Variants in SOX6 observed in about 807,000 individuals in gnomAD.
SOX6 encodes the protein transcription factor SOX-6.
Under a neutral mutation model 97.8 loss-of-function variants are expected in SOX6, and 11 were observed. That is an observed-to-expected ratio of 0.11 (90% CI 0.07 to 0.19). SOX6 has a LOEUF of 0.19. Among genes scored for constraint, SOX6 ranks in the 10% least tolerant of loss-of-function variants. The pLI, the probability that SOX6 is intolerant of heterozygous loss-of-function variation, is 1.00. For missense variants in SOX6, 810 were observed against 1,039.5 expected, an observed-to-expected ratio of 0.78 and a Z score of 3.04; for synonymous variants, 360 against 371.4, an observed-to-expected ratio of 0.97 and a Z score of 0.35.
intron 6 of SOX6, among the ~76,000 whole-genome samples, chr11:16,167,207 T>TG (rs558415387): frequency 1.1e-3 from 160 of 152,306 alleles, no homozygotes; most frequent in African/African-American, 3.2e-3. Flanking sequence ...TTCCAGTGAA[T>TG]GGCAGAATCT....
intron 1 of SOX6, among the ~76,000 whole-genome samples, chr11:16,366,128 G>A (rs1051303701): frequency 1.3e-4 from 20 of 152,102 alleles, no homozygotes; most frequent in Non-Finnish European, 2.2e-4. Flanking sequence ...AGGGGCAGGA[G>A]TCTCTCACCC....
chr11:16,497,498 T>G (rs921834009), intron 4 of SOX6, among the ~76,000 whole-genome samples: 3 of 151,688 alleles, frequency 2.0e-5, no homozygotes, highest in African/African-American at 7.3e-5. Flanking sequence ...AGAAGAAGGC[T>G]TCAGACAATC....
chr11:16,111,145 A>G (rs1045213103), intron 7 of SOX6, among the ~76,000 whole-genome samples: 2 of 152,228 alleles, frequency 1.3e-5, no homozygotes, highest in African/African-American at 4.8e-5. Context: ...GAGGCTCTGA[A>G]AGAAGCTTCA....
At chr11:16,255,652 G>A (rs2134205940) in intron 3 of SOX6, among the ~76,000 whole-genome samples, 1 of 152,082 alleles carries the variant, frequency 6.6e-6, no homozygotes, top group Non-Finnish European at 1.5e-5. Flanking sequence ...GATAAGCTGA[G>A]CCTCCACTTT....
chr11:16,481,578 C>T (rs1860344186), intron 4 of SOX6, among the ~76,000 whole-genome samples: 1 of 152,110 alleles, frequency 6.6e-6, no homozygotes, highest in Admixed American at 6.5e-5. Flanking sequence ...GCTGCTCAAC[C>T]TATATCTCTT....
chr11:16,517,383 C>T (rs943427575), intron 4 of SOX6, among the ~76,000 whole-genome samples: 6 of 151,918 alleles, frequency 3.9e-5, no homozygotes, highest in Admixed American at 2.0e-4. Context: ...AAGAGGAAGT[C>T]AAATTGTCCC....
intron 4 of SOX6, among the ~76,000 whole-genome samples, chr11:16,209,637 C>G (rs1852166551): frequency 6.6e-6 from 1 of 152,064 alleles, no homozygotes; most frequent in Non-Finnish European, 1.5e-5. Flanking sequence ...TGCCTGTCCC[C>G]AGCTACTCAG....
intron 13 of SOX6, among the ~76,000 whole-genome samples, chr11:15,989,718 A>G (rs569849936): frequency 1.3e-5 from 2 of 152,122 alleles, no homozygotes; most frequent in Non-Finnish European, 2.9e-5. Context: ...TCAACCTTCA[A>G]TCATGTTTCA....
intron 3 of SOX6, among the ~76,000 whole-genome samples, chr11:16,684,770 C>T (rs1420843437): frequency 6.6e-6 from 1 of 151,586 alleles, no homozygotes; most frequent in African/African-American, 2.4e-5. Context: ...AGGCCTTTCT[C>T]TTTGGAAAAA....
chr11:16,414,826 T>C (rs930780022), intron 1 of SOX6, among the ~76,000 whole-genome samples: 1 of 152,144 alleles, frequency 6.6e-6, no homozygotes, highest in African/African-American at 2.4e-5. Context: ...AAATACAAAC[T>C]GCTTCTATGT....
At chr11:16,499,364 C>A (rs916302206) in intron 4 of SOX6, among the ~76,000 whole-genome samples, 13 of 151,980 alleles carry the variant, frequency 8.6e-5, no homozygotes, top group Non-Finnish European at 1.9e-4. Flanking sequence ...CAGGAAAGAT[C>A]TAAAATTAAC....
At chr11:16,293,109 T>C (rs1396750356) in intron 3 of SOX6, among the ~76,000 whole-genome samples, 1 of 152,162 alleles carries the variant, frequency 6.6e-6, no homozygotes, top group Non-Finnish European at 1.5e-5. Context: ...AAATTGTCAA[T>C]GTTTTTCCAA....
intron 3 of SOX6, among the ~76,000 whole-genome samples, chr11:16,617,863 G>C (rs1848490394): frequency 6.6e-6 from 1 of 151,658 alleles, no homozygotes; most frequent in Non-Finnish European, 1.5e-5. Context: ...TGTTATTTAG[G>C]TCTATTTATA....
chr11:16,241,574 T>C (rs559048903), intron 3 of SOX6, among the ~76,000 whole-genome samples: 1 of 152,192 alleles, frequency 6.6e-6, no homozygotes, highest in East Asian at 1.9e-4. Context: ...ATATTCTTTA[T>C]TTTGGTTTCT....
intron 4 of SOX6, among the ~76,000 whole-genome samples, chr11:16,234,005 CAAA>C (rs751876773): frequency 1.4e-4 from 8 of 55,930 alleles, no homozygotes; most frequent in Admixed American, 4.0e-4. Context: ...GACTGCATCT[CAAA>C]AAAAAAAAAA....
At chr11:16,395,024 T>A (rs1442643014) in intron 1 of SOX6, among the ~76,000 whole-genome samples, 3 of 151,914 alleles carry the variant, frequency 2.0e-5, no homozygotes, top group African/African-American at 7.2e-5. Context: ...TCAAGTTGCA[T>A]AATTTTCTCT....
intron 12 of SOX6, among the ~76,000 whole-genome samples, chr11:16,018,726 T>TA: frequency 6.6e-6 from 1 of 152,256 alleles, no homozygotes; most frequent in East Asian, 1.9e-4. Flanking sequence ...CTTTTTGTTG[T>TA]AAAAAATATT....
At chr11:16,657,076 T>C (rs1184675460) in intron 3 of SOX6, among the ~76,000 whole-genome samples, 1 of 152,210 alleles carries the variant, frequency 6.6e-6, no homozygotes, top group Non-Finnish European at 1.5e-5. Flanking sequence ...TCATACAGAA[T>C]CACTTCACTG....
At chr11:16,307,423 C>T (rs10219384) in intron 3 of SOX6, among the ~76,000 whole-genome samples, 59,650 of 152,106 alleles carry the variant, frequency 0.39, 12,419 homozygotes, top group East Asian at 0.48. Context: ...GGACTATGTA[C>T]ATTGGGCACA....
Sources: gnomAD v4.1 joint callset for allele counts (sites outside exome capture counted in the v4.1 genomes callset) on GRCh38, gnomAD v4.1.1 for gene constraint, MANE v1.5 for transcripts, NCBI Gene and HGNC (gene_info 2026-07-23, HGNC 2026-07-21) for gene names.